The following ANKRD6 variants were observed in gnomAD, a reference collection of about 807,000 sequenced individuals.
ANKRD6 encodes ankyrin repeat domain-containing protein 6.
ANKRD6 carries 56 observed loss-of-function variants against 82.3 expected under a neutral mutation model. The observed-to-expected ratio is 0.68, with a 90% CI of 0.55 to 0.85. ANKRD6 has a LOEUF of 0.85. Among genes scored for constraint, ANKRD6 ranks in the 40% least tolerant of loss-of-function variants. The pLI, the probability that ANKRD6 is intolerant of heterozygous loss-of-function variation, is 0.00. For synonymous variants in ANKRD6, 347 were observed against 352.1 expected (o/e 0.99, Z 0.16); for missense variants, 852 against 907.6 (o/e 0.94, Z 0.79).
intron 1 of ANKRD6, among the ~76,000 whole-genome samples, chr6:89,467,361 G>C (rs951454262): frequency 3.3e-5 from 5 of 152,094 alleles, no homozygotes; most frequent in African/African-American, 4.8e-5. Context: ...CCAAGTACTT[G>C]TTGGTAAGTT....
At chr6:89,490,449 A>G (rs550012393) in intron 1 of ANKRD6, among the ~76,000 whole-genome samples, 1 of 152,374 alleles carries the variant, frequency 6.6e-6, no homozygotes, top group African/African-American at 2.4e-5. Context: ...TATTCGACAA[A>G]TATCAGATGT....
chr6:89,532,153 C>T lies in ANKRD6; in HGVS notation c.-143-34681C>T, dbSNP rs968296423. On this transcript the variant is annotated intron_variant, in intron 1 of 15. Transcript: ENST00000339746. The stretch of plus-strand genomic sequence containing the variant: ...ACATATGGAACCAATCTGCTTTATT[C>T]GGTCTATCAATTTAAATATTAATGT... Among the ~76,000 whole-genome samples the T allele has an allele frequency of 8.5e-5, 13 of 152,262 alleles. No homozygotes were observed. The East Asian group carries it at 1.2e-3, about 14-fold the overall frequency.
At chr6:89,596,524 C>T (rs1446137231) in intron 3 of ANKRD6, among the ~76,000 whole-genome samples, 3 of 152,282 alleles carry the variant, frequency 2.0e-5, no homozygotes, top group Middle Eastern at 3.4e-3. Flanking sequence ...GGGGAAGACA[C>T]AGATCTCATG....
intron 1 of ANKRD6, among the ~76,000 whole-genome samples, chr6:89,533,727 A>AGTGTGTGTGTGTGTGT (rs59064465): frequency 2.8e-5 from 4 of 142,116 alleles, no homozygotes; most frequent in African/African-American, 5.3e-5. Context: ...AGAGAAAATG[A>AGTGTGTGTGTGTGTGT]GTGTGTGTGT....
At chr6:89,627,764 C>T in intron 14 of ANKRD6, 68 bp downstream of exon 14, 1 of 1,445,706 alleles carries the variant, frequency 6.9e-7, no homozygotes, top group Non-Finnish European at 9.6e-7. Flanking sequence ...CTCAGGCAGG[C>T]CTGCCACTGA....
At chr6:89,617,062 G>T (rs745561420) in intron 8 of ANKRD6, 62 of 396,966 alleles carry the variant, frequency 1.6e-4, no homozygotes, top group Non-Finnish European at 1.9e-4. Context: ...CTTCCACTTT[G>T]CCTGACCTCA....
At chr6:89,524,687 C>T (rs568206928) in intron 1 of ANKRD6, among the ~76,000 whole-genome samples, 4 of 152,256 alleles carry the variant, frequency 2.6e-5, no homozygotes, top group African/African-American at 7.2e-5. Context: ...GGGCTATAAA[C>T]ATGCATATGC....
chr6:89,498,278 A>T (rs1778863562), intron 1 of ANKRD6, among the ~76,000 whole-genome samples: 1 of 152,132 alleles, frequency 6.6e-6, no homozygotes, highest in African/African-American at 2.4e-5. Flanking sequence ...TACTTATCTC[A>T]TTCTTTTCTA....
chr6:89,595,864 GGAGTAGCATT>G, intron 2 of ANKRD6, 42 bp from the exon 3 acceptor site: 1 of 1,442,378 alleles, frequency 6.9e-7, no homozygotes, highest in Non-Finnish European at 9.6e-7. Context: ...GTCTCCCAAG[GGAGTAGCATT>G]GAGGACTTGT....
Position 89,440,395 on chromosome 6 carries a change from G to T in ANKRD6, c.-144+7020G>T, listed in dbSNP as rs538503343. Among the ~76,000 whole-genome samples the T allele has an allele frequency of 3.9e-5, 6 of 152,288 alleles. No homozygotes were observed. The South Asian group carries it at 1.0e-3, about 26-fold the overall frequency. ...TGCAGTTTGTTATGTAGATGCCTCT[G>T]GTGCCTTCTCTAGGCTGTTAAGGAC... On this transcript the variant is annotated intron_variant, in intron 1 of 15. Transcript: ENST00000339746.
At chr6:89,549,664 C>A (rs1250939890) in intron 1 of ANKRD6, among the ~76,000 whole-genome samples, 1 of 152,136 alleles carries the variant, frequency 6.6e-6, no homozygotes, top group East Asian at 1.9e-4. Flanking sequence ...TCTTACATGA[C>A]TTTCTTTTTT....
chr6:89,535,834 C>A (rs763400480), intron 1 of ANKRD6, among the ~76,000 whole-genome samples: 15 of 152,244 alleles, frequency 9.9e-5, no homozygotes, highest in Admixed American at 3.3e-4. Flanking sequence ...CCAACACTTA[C>A]CAGTTGTGCA....
chr6:89,564,204 G>A (rs1787996350), intron 1 of ANKRD6, among the ~76,000 whole-genome samples: 1 of 152,154 alleles, frequency 6.6e-6, no homozygotes, highest in African/African-American at 2.4e-5. Context: ...CTGGTAGGGA[G>A]AGTATCCAAA....
intron 11 of ANKRD6, 51 bp downstream of exon 11, chr6:89,623,595 C>G: frequency 1.3e-6 from 2 of 1,552,334 alleles, no homozygotes; most frequent in Non-Finnish European, 1.7e-6. Flanking sequence ...GGCAGGGTGG[C>G]GAGGGTCCTG....
intron 1 of ANKRD6, among the ~76,000 whole-genome samples, chr6:89,462,256 A>ATAG (rs1398168934): frequency 3.4e-4 from 51 of 148,454 alleles, no homozygotes; most frequent in African/African-American, 1.2e-3. Context: ...AATAATAATA[A>ATAG]TAATAATAAT....
chr6:89,592,591 A>G (rs1352268292), intron 2 of ANKRD6, among the ~76,000 whole-genome samples: 2 of 152,176 alleles, frequency 1.3e-5, no homozygotes, highest in Non-Finnish European at 2.9e-5. Flanking sequence ...TTTAGTTTCT[A>G]AAGTGCCCTC....
chr6:89,562,631 A>T (rs1284076003), intron 1 of ANKRD6: 1 of 152,206 alleles, frequency 6.6e-6, no homozygotes, highest in Non-Finnish European at 1.5e-5. Flanking sequence ...ATCTGCAGAC[A>T]CAAGACTTTC....
At chr6:89,483,964 G>C (rs1321144959) in intron 1 of ANKRD6, among the ~76,000 whole-genome samples, 1 of 152,114 alleles carries the variant, frequency 6.6e-6, no homozygotes, top group Non-Finnish European at 1.5e-5. Flanking sequence ...TGCCCAGGCT[G>C]GAGTGCAGTG....
intron 9 of ANKRD6, chr6:89,618,439 G>A: frequency 1.9e-6 from 1 of 529,518 alleles, no homozygotes; most frequent in Non-Finnish European, 3.4e-6. Context: ...AGAAAGGCAG[G>A]AGGGAGGGGA....
Sources: allele counts gnomAD v4.1 joint callset (sites outside exome capture counted in the v4.1 genomes callset), GRCh38; gene constraint gnomAD v4.1.1; transcripts MANE v1.5; gene names NCBI Gene and HGNC (gene_info 2026-07-23, HGNC 2026-07-21).